Variants in AFAP1 observed in about 807,000 individuals in gnomAD.
The protein encoded by AFAP1 is actin filament associated protein 1, also known as actin filament-associated protein 1.
Under a neutral mutation model 93.9 loss-of-function variants are expected in AFAP1, and 75 were observed. That is an observed-to-expected ratio of 0.80 (90% CI 0.66 to 0.97). The LOEUF (loss-of-function observed/expected upper bound fraction) is 0.97, where lower values mean the gene tolerates loss of function less well. AFAP1 is among the 50% of genes least tolerant of loss of function. The pLI is 0.00. For synonymous variants in AFAP1, 517 were observed against 430.7 expected (o/e 1.20, Z -2.48); for missense variants, 1,201 against 1,050.8 (o/e 1.14, Z -1.98).
chr4:7,864,163 A>AACCATT (rs1716122096), intron 3 of AFAP1, among the ~76,000 whole-genome samples: 1 of 151,792 alleles, frequency 6.6e-6, no homozygotes. Context: ...TCTCATCACA[A>AACCATT]CCCACAGGTC....
Position 7,800,043 on chromosome 4 carries a change from A to G in AFAP1, c.1266+399T>C, listed in dbSNP as rs1718872150. Among the ~76,000 whole-genome samples, 5 of 152,214 alleles carry G rather than the reference A, an allele frequency of 3.3e-5. No homozygotes were observed. The South Asian group carries it at 1.0e-3, about 32-fold the overall frequency. ...AAGGAAACATTTACCACCATTTCAAAGAGCTCCTGGGGGAAAGAGCTTTCC... is the reference window on the plus strand; with the variant it reads ...AAGGAAACATTTACCACCATTTCAAGGAGCTCCTGGGGGAAAGAGCTTTCC... On this transcript the variant is annotated intron_variant, in intron 10 of 17. Transcript: ENST00000420658.
chr4:7,766,551 ACTGTGTC>A (rs1296632992), intron 17 of AFAP1, among the ~76,000 whole-genome samples: 2 of 119,884 alleles, frequency 1.7e-5, no homozygotes, highest in Non-Finnish European at 3.5e-5. Context: ...TCTCCAGGTG[ACTGTGTC>A]ACGGGAGGGA....
chr4:7,935,191 A>G (rs1419654970), intron 1 of AFAP1, among the ~76,000 whole-genome samples: 10 of 152,214 alleles, frequency 6.6e-5, no homozygotes, highest in Non-Finnish European at 8.8e-5. Flanking sequence ...TTTAAAATTT[A>G]CAAAATTCCA....
At chr4:7,829,661 C>T (rs950239452) in intron 6 of AFAP1, among the ~76,000 whole-genome samples, 12 of 152,196 alleles carry the variant, frequency 7.9e-5, no homozygotes, top group Non-Finnish European at 2.9e-5. Flanking sequence ...TACAACTAGA[C>T]TGAGATACCA....
chr4:7,888,922 C>G (rs1718280030), intron 1 of AFAP1, among the ~76,000 whole-genome samples: 1 of 152,006 alleles, frequency 6.6e-6, no homozygotes, highest in African/African-American at 2.4e-5. Flanking sequence ...TCCCAAGTAG[C>G]TGGGATTACA....
At chr4:7,863,961 T>G (rs1272713694) in intron 3 of AFAP1, among the ~76,000 whole-genome samples, 3 of 152,186 alleles carry the variant, frequency 2.0e-5, no homozygotes, top group African/African-American at 7.2e-5. Flanking sequence ...ATTCCCAACT[T>G]CCCATCACAA....
chr4:7,877,527 G>A (rs1717586584), intron 1 of AFAP1, among the ~76,000 whole-genome samples: 1 of 152,180 alleles, frequency 6.6e-6, no homozygotes, highest in Non-Finnish European at 1.5e-5. Context: ...GGCACGTACT[G>A]TTATTATCCC....
At chr4:7,868,087 TAAA>T (rs539709817) in intron 3 of AFAP1, among the ~76,000 whole-genome samples, 44 of 142,578 alleles carry the variant, frequency 3.1e-4, no homozygotes, top group African/African-American at 1.1e-3. Flanking sequence ...ATCGCCAGAT[TAAA>T]AAAAAAAAAA....
intron 3 of AFAP1, among the ~76,000 whole-genome samples, chr4:7,861,097 G>A (rs1025983593): frequency 2.0e-5 from 3 of 152,170 alleles, no homozygotes; most frequent in African/African-American, 7.2e-5. Flanking sequence ...ATCCCTTTCT[G>A]ACTTTAATTT....
At chr4:7,772,562 T>A (rs148439420) in intron 16 of AFAP1, 1 of 469,542 alleles carries the variant, frequency 2.1e-6, no homozygotes, top group Non-Finnish European at 3.8e-6. Context: ...TCTAAACAGA[T>A]TGTGCAAAGG....
intron 4 of AFAP1, among the ~76,000 whole-genome samples, chr4:7,854,420 A>G (rs1195038828): frequency 1.3e-5 from 2 of 152,210 alleles, no homozygotes; most frequent in East Asian, 3.9e-4. Context: ...GCTTCTCCAC[A>G]GCCCTTCTCC....
intron 1 of AFAP1, among the ~76,000 whole-genome samples, chr4:7,909,208 T>C (rs1002672437): frequency 3.9e-5 from 6 of 152,210 alleles, no homozygotes; most frequent in East Asian, 3.8e-4. Flanking sequence ...TTTGCACACA[T>C]ATTTGCACAA....
chr4:7,803,090 T>C (rs1338914603), intron 9 of AFAP1, among the ~76,000 whole-genome samples: 1 of 152,196 alleles, frequency 6.6e-6, no homozygotes, highest in Non-Finnish European at 1.5e-5. Context: ...CACTTTTACA[T>C]TTTTAGACTT....
At chr4:7,868,760 G>A (rs577622016) in intron 2 of AFAP1, 41 bp from the exon 3 acceptor site, 8 of 1,554,724 alleles carry the variant, frequency 5.1e-6, no homozygotes, top group Admixed American at 3.4e-5. Context: ...GATGAGGATG[G>A]GGATGAGAAG....
At chr4:7,891,218 C>A (rs927859334) in intron 1 of AFAP1, among the ~76,000 whole-genome samples, 10 of 152,198 alleles carry the variant, frequency 6.6e-5, no homozygotes, top group African/African-American at 2.2e-4. Flanking sequence ...CTAGAACTGG[C>A]AAAGGAATCT....
intron 6 of AFAP1, among the ~76,000 whole-genome samples, chr4:7,829,016 CAGG>C (rs1225502918): frequency 1.3e-5 from 2 of 152,208 alleles, no homozygotes; most frequent in African/African-American, 2.4e-5. Flanking sequence ...ACTGAGCTCT[CAGG>C]AGATCTGATG....
At chr4:7,805,949 T>G (rs1577232461) in intron 9 of AFAP1, among the ~76,000 whole-genome samples, 1 of 151,986 alleles carries the variant, frequency 6.6e-6, no homozygotes, top group Admixed American at 6.6e-5. Flanking sequence ...TAGAATGAGG[T>G]GAGCCAGTCA....
At chr4:7,914,375 T>C (rs1719946587) in intron 1 of AFAP1, among the ~76,000 whole-genome samples, 1 of 152,178 alleles carries the variant, frequency 6.6e-6, no homozygotes, top group Non-Finnish European at 1.5e-5. Flanking sequence ...TATATTCTTG[T>C]TATCCACATA....
chr4:7,791,477 G>T (rs1286718980), intron 11 of AFAP1, among the ~76,000 whole-genome samples: 1 of 152,158 alleles, frequency 6.6e-6, no homozygotes, highest in African/African-American at 2.4e-5. Flanking sequence ...AAATACCACA[G>T]CAGGACCCAA....
Sources: gnomAD v4.1 joint callset for allele counts (sites outside exome capture counted in the v4.1 genomes callset) on GRCh38, gnomAD v4.1.1 for gene constraint, MANE v1.5 for transcripts, NCBI Gene and HGNC (gene_info 2026-07-23, HGNC 2026-07-21) for gene names.